Variants in DCTD observed in about 807,000 individuals in gnomAD.
DCTD encodes dCMP deaminase, also known as deoxycytidylate deaminase.
Under a neutral mutation model 21.0 loss-of-function variants are expected in DCTD, and 23 were observed. That is an observed-to-expected ratio of 1.09 (90% CI 0.79 to 1.55). DCTD has a LOEUF of 1.55. DCTD is among the 40% of genes most tolerant of loss of function. The probability of loss-of-function intolerance (pLI) is 0.00; values close to 1 mark genes in which losing one functional copy is unlikely to be tolerated. For synonymous variants in DCTD, 71 were observed against 81.1 expected, an observed-to-expected ratio of 0.88 and a Z score of 0.67; for missense variants, 224 against 230.0, an observed-to-expected ratio of 0.97 and a Z score of 0.17.
upstream of DCTD, chr4:182,917,409 G>A (rs1192238121): frequency 2.8e-6 from 3 of 1,060,558 alleles, no homozygotes; most frequent in Admixed American, 5.4e-5. This position sits in a 1 kb window ranked among gnomAD's most constrained non-coding sequence, Gnocchi z 4.9. Context: ...CCGCGGGGCC[G>A]GAAGGGGGCA....
chr4:182,894,835 G>A (rs1734448287), intron 3 of DCTD, among the ~76,000 whole-genome samples: 2 of 152,250 alleles, frequency 1.3e-5, no homozygotes, highest in South Asian at 4.1e-4. Context: ...GACGGCCGAG[G>A]TCAAGTGCCT....
Position 182,891,433 on chromosome 4 carries a change from G to C in DCTD, c.503C>G (p.Ser168Ter). 2 of 1,612,424 alleles carry C rather than the reference G, an allele frequency of 1.2e-6. No individual in the cohort carries two copies. Among genetic ancestry groups the C allele is most frequent in the Non-Finnish European group, 1.7e-6 (2 of 1,178,568 alleles). The change falls in exon 6 of 6, where the codon TCA becomes TGA. Residue 168 changes from serine to a stop codon, truncating the protein, a stop_gained. Coordinates refer to ENST00000438320, the MANE Select transcript of DCTD (RefSeq NM_001921.3). LOFTEE classifies it high-confidence loss of function. ...KCSKIVIDFD[S>*]INSRPSQKLQ is the part of the protein sequence containing the mutation. ...CTTTTGACTCGGTCTGCTGTTAATT[G>C]AATCAAAGTCAATGACAATCTTGCT...
intron 3 of DCTD, among the ~76,000 whole-genome samples, chr4:182,898,620 T>G (rs555360133): frequency 2.0e-5 from 3 of 152,082 alleles, no homozygotes; most frequent in Non-Finnish European, 4.4e-5. Context: ...CCCAGCCCCT[T>G]CCTCCCTCCA....
intron 3 of DCTD, among the ~76,000 whole-genome samples, chr4:182,906,510 A>C (rs1736749089): frequency 6.6e-6 from 1 of 152,202 alleles, no homozygotes; most frequent in African/African-American, 2.4e-5. Context: ...ATGGTGTCTG[A>C]AAAACTCCAA....
intron 1 of DCTD, 133 bp from the exon 2 acceptor site, chr4:182,915,708 A>G: frequency 1.3e-6 from 1 of 775,882 alleles, no homozygotes; most frequent in Non-Finnish European, 2.1e-6. Flanking sequence ...TCAATCAGAA[A>G]TCACAGCACA....
chr4:182,899,421 G>T (rs1735330810), intron 3 of DCTD, among the ~76,000 whole-genome samples: 2 of 133,560 alleles, frequency 1.5e-5, no homozygotes, highest in East Asian at 2.2e-4. Context: ...TTTTTAGATG[G>T]AGTTTTGCTC....
At chr4:182,901,777 T>TAA (rs33920727) in intron 3 of DCTD, among the ~76,000 whole-genome samples, 25 of 139,690 alleles carry the variant, frequency 1.8e-4, no homozygotes, top group African/African-American at 2.3e-4. Context: ...ACCTGTGCAT[T>TAA]AAAAAAAAAA....
intron 5 of DCTD, among the ~76,000 whole-genome samples, chr4:182,891,930 C>T (rs747048902): frequency 3.4e-5 from 5 of 148,454 alleles, no homozygotes; most frequent in Non-Finnish European, 5.9e-5. Context: ...TTTCAAATTA[C>T]ATTCTAAAAA....
intron 3 of DCTD, among the ~76,000 whole-genome samples, chr4:182,914,636 A>T (rs28433797): frequency 0.38 from 57,175 of 152,040 alleles, 11,229 homozygotes; most frequent in African/African-American, 0.49. Context: ...CTATCAGTGC[A>T]CTGGTGTGGT....
chr4:182,916,968 G>C (rs778119577), intron 1 of DCTD: 26 of 993,846 alleles, frequency 2.6e-5, no homozygotes, highest in Non-Finnish European at 2.9e-5. Context: ...CTCTGATCCA[G>C]GGCCTACACC....
At chr4:182,901,976 T>C (rs1032760233) in intron 3 of DCTD, among the ~76,000 whole-genome samples, 7 of 152,150 alleles carry the variant, frequency 4.6e-5, no homozygotes, top group African/African-American at 1.7e-4. Flanking sequence ...TGCCCACAGA[T>C]GCCTGATGGA....
intron 3 of DCTD, among the ~76,000 whole-genome samples, chr4:182,911,759 G>C (rs1292086521): frequency 6.6e-6 from 1 of 152,154 alleles, no homozygotes; most frequent in African/African-American, 2.4e-5. Context: ...CCATGTCCAG[G>C]ACATACATAA....
rs1164402011 is a variant in DCTD at position 182,915,555 on chromosome 4, G to A, written c.14C>T (p.Ser5Phe). 2.5e-6 allele frequency: 4 copies of A among 1,611,238 alleles called. No individual in the cohort carries two copies. The highest frequency in any genetic ancestry group is 1.7e-5 in the Admixed American group (1 of 60,002). MSEV[S>F]CKKRDDYLEW... ...CAAATAGTCGTCCCGTTTCTTGCAG[G>A]AAACTTCACTCATGTTGGGTCTAGA... The change falls in exon 2 of 6, where the codon TCC (serine) becomes TTC (phenylalanine). Residue 5 changes from serine (S) to phenylalanine (F), a missense_variant. Ser to Phe is a radical substitution (Grantham distance 155, BLOSUM62 -2). Coordinates refer to ENST00000438320, the MANE Select transcript of DCTD (RefSeq NM_001921.3).
At chr4:182,897,496 T>C (rs1287329058) in intron 3 of DCTD, among the ~76,000 whole-genome samples, 1 of 140,480 alleles carries the variant, frequency 7.1e-6, no homozygotes, top group Non-Finnish European at 1.5e-5. Flanking sequence ...ATTTGATAAA[T>C]ATTTAGCACC....
chr4:182,914,199 G>A (rs1221657310), intron 3 of DCTD, among the ~76,000 whole-genome samples: 1 of 152,132 alleles, frequency 6.6e-6, no homozygotes, highest in Non-Finnish European at 1.5e-5. Flanking sequence ...GTAGAGATGG[G>A]GTTTCACCAT....
chr4:182,899,539 T>C (rs540935492), intron 3 of DCTD, among the ~76,000 whole-genome samples: 2 of 152,178 alleles, frequency 1.3e-5, no homozygotes, highest in East Asian at 3.9e-4. Flanking sequence ...TAGCTGGGAT[T>C]ACAGGCACCC....
chr4:182,909,778 G>A (rs1321888282), intron 3 of DCTD, among the ~76,000 whole-genome samples: 1 of 152,198 alleles, frequency 6.6e-6, no homozygotes, highest in Non-Finnish European at 1.5e-5. Flanking sequence ...TCAGGAAAAT[G>A]TCAGTGTTCA....
intron 3 of DCTD, among the ~76,000 whole-genome samples, chr4:182,906,666 T>C (rs997950134): frequency 2.0e-5 from 3 of 152,260 alleles, no homozygotes; most frequent in Admixed American, 6.5e-5. Context: ...ATAACTCACA[T>C]GGAGAAGGAA....
chr4:182,915,775 A>C, intron 1 of DCTD, 200 bp from the exon 2 acceptor site: 1 of 890,354 alleles, frequency 1.1e-6, no homozygotes, highest in Non-Finnish European at 1.6e-6. Context: ...CCTATTTCAG[A>C]AGTTTGAATT....
Sources: allele counts gnomAD v4.1 joint callset (sites outside exome capture counted in the v4.1 genomes callset), GRCh38; gene constraint gnomAD v4.1.1; non-coding constraint Gnocchi (gnomAD v3.1); transcripts MANE v1.5; gene names NCBI Gene and HGNC (gene_info 2026-07-23, HGNC 2026-07-21).